Variants in SSBP2 observed in about 807,000 individuals in gnomAD.
The protein encoded by SSBP2 is single stranded DNA binding protein 2, also known as single-stranded DNA-binding protein 2.
Under a neutral mutation model 61.8 loss-of-function variants are expected in SSBP2, and 17 were observed. The observed-to-expected ratio is 0.28, with a 90% CI of 0.19 to 0.41. SSBP2 has a LOEUF of 0.41. Ranked by LOEUF, SSBP2 falls within the 10% of genes least tolerant of loss-of-function variation. The pLI, the probability that SSBP2 is intolerant of heterozygous loss-of-function variation, is 1.00. For synonymous variants in SSBP2, 139 were observed against 141.3 expected, an observed-to-expected ratio of 0.98 and a Z score of 0.12; for missense variants, 310 against 458.7, an observed-to-expected ratio of 0.68 and a Z score of 2.96.
intron 8 of SSBP2, among the ~76,000 whole-genome samples, chr5:81,473,211 C>T (rs1039761917): frequency 6.6e-6 from 1 of 152,168 alleles, no homozygotes; most frequent in African/African-American, 2.4e-5. Flanking sequence ...TAGGTTTCTG[C>T]ACTGATTTTT....
chr5:81,566,437 T>C lies in SSBP2; in HGVS notation c.282+49036A>G, dbSNP rs191594842. Among the ~76,000 whole-genome samples, 3 of 152,300 alleles carry C rather than the reference T, an allele frequency of 2.0e-5. No individual in the cohort carries two copies. The East Asian group carries it at 5.8e-4, about 29-fold the overall frequency. ...ATTTCTGCTTTTGCGTCTTCCTTATTCTCTCTTTGCCTGCTGCCGTCCATG... is the reference window on the plus strand; with the variant it reads ...ATTTCTGCTTTTGCGTCTTCCTTATCCTCTCTTTGCCTGCTGCCGTCCATG... On this transcript the variant is annotated intron_variant, in intron 4 of 16. Coordinates refer to ENST00000320672, the MANE Select transcript of SSBP2 (RefSeq NM_012446.5).
At chr5:81,645,080 C>T (rs1401382405) in intron 2 of SSBP2, among the ~76,000 whole-genome samples, 1 of 152,166 alleles carries the variant, frequency 6.6e-6, no homozygotes, top group African/African-American at 2.4e-5. Flanking sequence ...AAGCAATGTG[C>T]ATATACTAAC....
chr5:81,608,855 A>G (rs963812723), intron 4 of SSBP2, among the ~76,000 whole-genome samples: 2 of 152,158 alleles, frequency 1.3e-5, no homozygotes, highest in African/African-American at 2.4e-5. Context: ...AGGCATCCAA[A>G]GTGGGATTAC....
chr5:81,744,186 C>T (rs1446886942), intron 1 of SSBP2, among the ~76,000 whole-genome samples: 2 of 152,130 alleles, frequency 1.3e-5, no homozygotes, highest in Non-Finnish European at 2.9e-5. Flanking sequence ...TTTTCTATGA[C>T]AAAACACAAA....
chr5:81,733,234 A>C (rs1433978887), intron 1 of SSBP2, among the ~76,000 whole-genome samples: 2 of 152,198 alleles, frequency 1.3e-5, no homozygotes, highest in African/African-American at 4.8e-5. Flanking sequence ...CAACAATCTC[A>C]GGATTCCACT....
At chr5:81,451,320 T>C (rs1451301183) in intron 10 of SSBP2, among the ~76,000 whole-genome samples, 6 of 152,072 alleles carry the variant, frequency 3.9e-5, no homozygotes, top group African/African-American at 1.5e-4. Flanking sequence ...TTTTCATGTA[T>C]ATCCCAGATA....
At chr5:81,700,142 G>C (rs927825784) in intron 1 of SSBP2, among the ~76,000 whole-genome samples, 1 of 152,040 alleles carries the variant, frequency 6.6e-6, no homozygotes, top group African/African-American at 2.4e-5. Flanking sequence ...CACTGTGCCT[G>C]GCCATGAAAT....
intron 4 of SSBP2, among the ~76,000 whole-genome samples, chr5:81,606,484 C>T (rs892503474): frequency 2.6e-5 from 4 of 152,108 alleles, no homozygotes; most frequent in Non-Finnish European, 4.4e-5. Context: ...GATGTCTGAA[C>T]GCTCATCCAG....
rs924713664 is a variant in SSBP2, at chr5:81,585,135, T to C, written c.282+30338A>G. The stretch of plus-strand genomic sequence containing the variant: ...CAACAATACTGGTGAAAAAAAGTGA[T>C]TGTGAGTTTATATTTGCTTCAGAGT... On this transcript the variant is annotated intron_variant, in intron 4 of 16. Transcript: ENST00000320672. Among the ~76,000 whole-genome samples, 8 of 152,112 alleles carry C rather than the reference T, an allele frequency of 5.3e-5. No individual in the cohort carries two copies. The East Asian group carries it at 5.8e-4, about 11-fold the overall frequency.
At chr5:81,660,192 A>G (rs552437243) in intron 1 of SSBP2, among the ~76,000 whole-genome samples, 94 of 152,168 alleles carry the variant, frequency 6.2e-4, no homozygotes, top group African/African-American at 2.1e-3. Flanking sequence ...ACTAAAGAGC[A>G]TCTGCACAGC....
intron 16 of SSBP2, among the ~76,000 whole-genome samples, chr5:81,426,008 G>A (rs1761928872): frequency 6.6e-6 from 1 of 152,172 alleles, no homozygotes; most frequent in South Asian, 2.1e-4. Context: ...TGCTTTCAGA[G>A]TTATGTGTAT....
At chr5:81,493,456 T>A (rs1187672817) in intron 5 of SSBP2, among the ~76,000 whole-genome samples, 1 of 151,478 alleles carries the variant, frequency 6.6e-6, no homozygotes, top group Non-Finnish European at 1.5e-5. Context: ...CACCTGGGTA[T>A]TAAAAAAAAA....
intron 2 of SSBP2, among the ~76,000 whole-genome samples, chr5:81,644,796 C>T (rs1749117286): frequency 6.6e-6 from 1 of 152,068 alleles, no homozygotes; most frequent in Non-Finnish European, 1.5e-5. Context: ...ACCCTAAGCA[C>T]CCAATAAAGG....
At chr5:81,699,538 A>G (rs114085947) in intron 1 of SSBP2, among the ~76,000 whole-genome samples, 387 of 152,332 alleles carry the variant, frequency 2.5e-3, no homozygotes, top group Non-Finnish European at 3.5e-3. Flanking sequence ...CATCCATTTA[A>G]GTTGTATCAT....
chr5:81,518,635 C>G (rs1456342852), intron 4 of SSBP2, among the ~76,000 whole-genome samples: 1 of 152,012 alleles, frequency 6.6e-6, no homozygotes, highest in African/African-American at 2.4e-5. Context: ...TGAACTAAGA[C>G]ATAAGCCATC....
intron 4 of SSBP2, among the ~76,000 whole-genome samples, chr5:81,548,445 T>C (rs944222930): frequency 6.6e-6 from 1 of 152,184 alleles, no homozygotes; most frequent in African/African-American, 2.4e-5. Context: ...AAGAAATATA[T>C]GTTCAGACAG....
intron 4 of SSBP2, among the ~76,000 whole-genome samples, chr5:81,586,907 G>A (rs1245125017): frequency 1.3e-5 from 2 of 151,488 alleles, no homozygotes; most frequent in Admixed American, 6.6e-5. Context: ...AATCTTGGGC[G>A]CTCAGTCTCT....
At chr5:81,672,357 C>A (rs1364733122) in intron 1 of SSBP2, among the ~76,000 whole-genome samples, 1 of 151,936 alleles carries the variant, frequency 6.6e-6, no homozygotes, top group Non-Finnish European at 1.5e-5. Context: ...TAAGCAAATA[C>A]CCAGAAAATT....
At chr5:81,607,410 T>C (rs988281977) in intron 4 of SSBP2, among the ~76,000 whole-genome samples, 5 of 152,268 alleles carry the variant, frequency 3.3e-5, no homozygotes, top group African/African-American at 9.6e-5. Flanking sequence ...CAAATATTTA[T>C]TGAGTGCCAA....
Sources: gnomAD v4.1 joint callset for allele counts (sites outside exome capture counted in the v4.1 genomes callset) on GRCh38, gnomAD v4.1.1 for gene constraint, MANE v1.5 for transcripts, NCBI Gene and HGNC (gene_info 2026-07-23, HGNC 2026-07-21) for gene names.